Variants in TCF4 observed in about 807,000 individuals in gnomAD.
TCF4 encodes SL3-3 enhancer factor 2.
In TCF4, 3 loss-of-function variants were observed where a neutral mutation model predicts 82.1. That is an observed-to-expected ratio of 0.04 (90% CI 0.02 to 0.09). TCF4 has a LOEUF of 0.09. Among genes scored for constraint, TCF4 ranks in the 10% least tolerant of loss-of-function variants. The pLI is 1.00. For missense variants in TCF4, 518 were observed against 852.7 expected (o/e 0.61, Z 4.89); for synonymous variants, 276 against 309.6 (o/e 0.89, Z 1.14).
intron 6 of TCF4, among the ~76,000 whole-genome samples, chr18:55,360,757 C>T (rs1245320851): frequency 6.5e-5 from 7 of 107,472 alleles, no homozygotes; most frequent in Non-Finnish European, 1.7e-5. Flanking sequence ...TGAGAGAAGT[C>T]TCACTCTGCC....
Position 55,228,337 on chromosome 18 carries a change from G to A in TCF4, c.1904C>T (p.Ala635Val), listed in dbSNP as rs760085682. The change falls in exon 19 of 20, where the codon GCG (alanine) becomes GTG (valine). Residue 635 changes from alanine (A) to valine (V), a missense_variant. Ala to Val is a moderately conservative substitution (Grantham distance 64). Coordinates refer to ENST00000354452, the MANE Select transcript of TCF4 (RefSeq NM_001083962.2). Reference sequence around the variant, plus strand: ...CTCTTCCTCCCTTCTTTTCAGACACGCAGCTTTCGGATTCAGATTCCTTTC... The same window carrying A: ...CTCTTCCTCCCTTCTTTTCAGACACACAGCTTTCGGATTCAGATTCCTTTC... ...VRERNLNPKA[A>V]CLKRREEEKV... The A allele has an allele frequency of 1.9e-6, 3 of 1,614,090 alleles. No homozygotes were observed. The highest frequency in any genetic ancestry group is 2.2e-5 in the East Asian group (1 of 44,882).
intron 8 of TCF4, among the ~76,000 whole-genome samples, chr18:55,304,825 G>A (rs1013998827): frequency 2.0e-5 from 3 of 152,188 alleles, no homozygotes; most frequent in Admixed American, 6.5e-5. Flanking sequence ...TAAGAAGAGA[G>A]CATTTGTAGC....
At chr18:55,422,232 G>A (rs1314863958) in intron 5 of TCF4, 1 of 983,630 alleles carries the variant, frequency 1.0e-6, no homozygotes, top group Non-Finnish European at 1.2e-6. Context: ...GAAGATCTAA[G>A]CCCAAATACG....
chr18:55,443,228 C>T lies in TCF4; in HGVS notation c.304+17791G>A, dbSNP rs1396349814. 2.0e-5 allele frequency among the ~76,000 whole-genome samples: 3 copies of T among 152,114 alleles called. No individual in the cohort carries two copies. In the East Asian group the frequency reaches 5.8e-4, roughly 29 times the overall value. On this transcript the variant is annotated intron_variant, in intron 5 of 19. Transcript: ENST00000354452. ...TATGCCTAGCTGTCAGGTTACTGTC[C>T]AACAATGGAAACCTGTTCTTAAAAC...
intron 3 of TCF4, among the ~76,000 whole-genome samples, chr18:55,558,660 G>A (rs905172746): frequency 1.6e-4 from 24 of 152,070 alleles, no homozygotes; most frequent in South Asian, 8.3e-4. Flanking sequence ...ATTACATTGG[G>A]CCAATCGAAA....
intron 10 of TCF4, among the ~76,000 whole-genome samples, chr18:55,271,137 C>T (rs1373221256): frequency 6.6e-6 from 1 of 152,008 alleles, no homozygotes; most frequent in Non-Finnish European, 1.5e-5. Context: ...CTGTGAGATC[C>T]GTCTTGAATT....
rs536394312 is a variant in TCF4, at chr18:55,226,375, T to C, written c.*1660A>G. On this transcript the variant is annotated 3_prime_UTR_variant, in exon 20 of 20. Transcript: ENST00000354452. The stretch of plus-strand genomic sequence containing the variant: ...ACAAATACTTAACTAGGAGCACTAT[T>C]TGTTTACTGCACTATACACCAAAGT... The C allele has an allele frequency of 6.6e-6, 1 of 152,604 alleles. No homozygotes were observed. Among genetic ancestry groups the C allele is most frequent in the Non-Finnish European group, 1.5e-5 (1 of 68,010 alleles). 9.5% of individuals were successfully genotyped at this position (152,604 alleles called of 1,614,324 possible). A position where few individuals can be genotyped will look rare whatever the true frequency, so the allele number is the denominator to read the frequency against.
At chr18:55,315,354 A>G (rs2073858914) in intron 8 of TCF4, among the ~76,000 whole-genome samples, 1 of 152,208 alleles carries the variant, frequency 6.6e-6, no homozygotes, top group African/African-American at 2.4e-5. Context: ...TTTCTTTAAG[A>G]AATTAGGAAG....
intron 3 of TCF4, among the ~76,000 whole-genome samples, chr18:55,465,756 C>A (rs567176899): frequency 1.3e-5 from 2 of 152,242 alleles, no homozygotes; most frequent in East Asian, 3.9e-4. Context: ...CAAATATTTT[C>A]AGCCAAAATA....
At chr18:55,604,650 A>G (rs2097700590) in intron 2 of TCF4, among the ~76,000 whole-genome samples, 1 of 152,196 alleles carries the variant, frequency 6.6e-6, no homozygotes, top group African/African-American at 2.4e-5. Flanking sequence ...GGGACAAGGA[A>G]AACCTCCACA....
At chr18:55,378,590 T>C (rs1363600206) in intron 6 of TCF4, among the ~76,000 whole-genome samples, 1 of 152,228 alleles carries the variant, frequency 6.6e-6, no homozygotes, top group East Asian at 1.9e-4. Flanking sequence ...CTAGTGCAGC[T>C]AAGAAGTCTG....
In TCF4 at chr18:55,341,862, C is replaced by T. The variant is rs557578862; in HGVS notation, c.549+8497G>A. Among the ~76,000 whole-genome samples the T allele has an allele frequency of 5.9e-5, 9 of 152,210 alleles. No homozygotes were observed. The East Asian group carries it at 1.5e-3, about 26-fold the overall frequency. On this transcript the variant is annotated intron_variant, in intron 8 of 19. Coordinates refer to ENST00000354452, the MANE Select transcript of TCF4 (RefSeq NM_001083962.2). ...TGCATGACTTTCTCAAAAGGCTACA[C>T]GGTATACTCTTTAAAATGCTAAGGT...
intron 6 of TCF4, chr18:55,401,394 C>A (rs118153070): frequency 0.015 from 16,716 of 1,099,654 alleles, 133 homozygotes; most frequent in Non-Finnish European, 0.018. Context: ...ATGAAGGAAT[C>A]TCCACACTCC....
chr18:55,228,437 C>A, intron 18 of TCF4, 76 bp from the exon 19 acceptor site: 1 of 1,575,536 alleles, frequency 6.3e-7, no homozygotes, highest in Non-Finnish European at 8.7e-7. Context: ...ACTCTTCTTG[C>A]GTGTCTGACC....
chr18:55,600,485 T>C (rs1436806589), intron 2 of TCF4, among the ~76,000 whole-genome samples: 3 of 152,222 alleles, frequency 2.0e-5, no homozygotes, highest in African/African-American at 7.2e-5. Context: ...TGTCTAATAT[T>C]GTGTTCTACA....
At chr18:55,489,404 C>A (rs1049519013) in intron 3 of TCF4, among the ~76,000 whole-genome samples, 1 of 152,010 alleles carries the variant, frequency 6.6e-6, no homozygotes, top group South Asian at 2.1e-4. Flanking sequence ...ACAAGTGCCA[C>A]GAGCTGCAGT....
chr18:55,426,673 C>A (rs372275978), intron 5 of TCF4, among the ~76,000 whole-genome samples: 4 of 152,112 alleles, frequency 2.6e-5, no homozygotes, highest in South Asian at 2.1e-4. Context: ...TTTAGAGCAG[C>A]CTTGCATGTA....
chr18:55,415,746 C>T (rs1008192271), intron 5 of TCF4, among the ~76,000 whole-genome samples: 9 of 152,244 alleles, frequency 5.9e-5, no homozygotes, highest in African/African-American at 2.2e-4. Flanking sequence ...TTCAAGGCCA[C>T]AGTAGTTTTT....
intron 8 of TCF4, among the ~76,000 whole-genome samples, chr18:55,339,555 CTCA>C (rs1328115558): frequency 6.6e-6 from 1 of 152,134 alleles, no homozygotes; most frequent in African/African-American, 2.4e-5. Context: ...AAGTTCAGGG[CTCA>C]TCAGCCAACA....
Sources: allele counts gnomAD v4.1 joint callset (sites outside exome capture counted in the v4.1 genomes callset), GRCh38; gene constraint gnomAD v4.1.1; transcripts MANE v1.5; gene names NCBI Gene and HGNC (gene_info 2026-07-23, HGNC 2026-07-21).